The following ARSF variants were observed in gnomAD, a reference collection of about 807,000 sequenced individuals.
The protein encoded by ARSF is arylsulfatase F.
A neutral mutation model predicts 35.4 loss-of-function variants in ARSF; 33 were observed. The observed-to-expected ratio is 0.93, with a 90% CI of 0.71 to 1.25. The LOEUF (loss-of-function observed/expected upper bound fraction) is 1.25, where lower values mean the gene tolerates loss of function less well. Among genes scored for constraint, ARSF ranks in the 50% most tolerant of loss-of-function variants. The probability of loss-of-function intolerance (pLI) is 0.00; values close to 1 mark genes in which losing one functional copy is unlikely to be tolerated. For synonymous variants in ARSF, 222 were observed against 193.1 expected, an observed-to-expected ratio of 1.15 and a Z score of -1.24; for missense variants, 501 against 480.2, an observed-to-expected ratio of 1.04 and a Z score of -0.40.
At chrX:3,081,774 T>G (rs1292704089) in intron 5 of ARSF, among the ~76,000 whole-genome samples, 1 of 111,886 alleles carries the variant, frequency 8.9e-6, no homozygotes, top group Non-Finnish European at 1.9e-5. Context: ...TCACTAAAAA[T>G]GGACCACACA....
At chrX:3,063,559 T>C (rs2090051020) in intron 1 of ARSF, among the ~76,000 whole-genome samples, 1 of 111,585 alleles carries the variant, frequency 9.0e-6, no homozygotes, top group Admixed American at 9.6e-5. Flanking sequence ...GAAAACCCCA[T>C]CGTCTCAGCC....
intron 1 of ARSF, among the ~76,000 whole-genome samples, chrX:3,059,459 C>T (rs1240179429): frequency 1.8e-5 from 2 of 112,284 alleles, no homozygotes; most frequent in African/African-American, 3.2e-5. Flanking sequence ...GTGGGTGCAG[C>T]CCACAGAGGG....
chrX:3,097,439 T>C (rs1344940965), intron 7 of ARSF, among the ~76,000 whole-genome samples: 2 of 111,787 alleles, frequency 1.8e-5, no homozygotes, highest in Non-Finnish European at 3.8e-5. Context: ...TTCTTATAAA[T>C]CAATAATGGA....
chrX:3,084,931 AC>A (rs1423141753), intron 6 of ARSF, among the ~76,000 whole-genome samples: 1 of 111,829 alleles, frequency 8.9e-6, no homozygotes, highest in Non-Finnish European at 1.9e-5. Flanking sequence ...TGTAACGTGT[AC>A]TCTTAAACTA....
chrX:3,101,468 A>T (rs778702516), intron 8 of ARSF, among the ~76,000 whole-genome samples: 2 of 111,599 alleles, frequency 1.8e-5, no homozygotes, highest in African/African-American at 3.3e-5. Flanking sequence ...TGACAACCCT[A>T]TCAAATTATG....
chrX:3,061,822 A>G (rs770846816), intron 1 of ARSF, among the ~76,000 whole-genome samples: 2 of 111,526 alleles, frequency 1.8e-5, no homozygotes, highest in South Asian at 7.8e-4. Context: ...GAGACCTACA[A>G]AGAGACTTAG....
At position 3,081,014 on chromosome X, in the gene ARSF, G is replaced by T. The variant is rs764101471; in HGVS notation, c.406+1G>T. ...CAAGGATACAGCACGGGGCTTATAG[G>T]TAAGACACAAGAATTGGTGTTAGTC... On this transcript the variant is annotated splice_donor_variant, in intron 5 of 10. Transcript: ENST00000381127. LOFTEE classifies it high-confidence loss of function. The T allele has an allele frequency of 8.3e-7, 1 of 1,209,305 alleles. No individual in the cohort carries two copies. Among genetic ancestry groups the T allele is most frequent in the Admixed American group, 2.2e-5 (1 of 45,637 alleles).
chrX:3,092,176 G>GATACATAC lies in ARSF; in HGVS notation c.967+2572_967+2579dup, dbSNP rs776181940. Reference sequence around the variant, plus strand: ...TAGGTAGGTAGATAGATGATAGATAGATACATACATACATACATACATACA... The same window carrying GATACATAC: ...TAGGTAGGTAGATAGATGATAGATAGATACATACATACATACATACATACATACATACA... On this transcript the variant is annotated intron_variant, in intron 7 of 10. Coordinates refer to ENST00000381127, the MANE Select transcript of ARSF (RefSeq NM_001201539.2). 6.0e-3 allele frequency among the ~76,000 whole-genome samples: 247 copies of GATACATAC among 41,136 alleles called. 1 individual carries two copies. The highest frequency in any genetic ancestry group is 8.0e-3 in the South Asian group (4 of 501). 35.7% of individuals were successfully genotyped at this position (41,136 alleles called of 115,157 possible).
intron 1 of ARSF, among the ~76,000 whole-genome samples, chrX:3,067,091 C>T (rs1353556254): frequency 9.7e-6 from 1 of 103,310 alleles, no homozygotes; most frequent in Non-Finnish European, 2.0e-5. Flanking sequence ...CTTCTTTCTT[C>T]CCTCCCTCCC....
chrX:3,045,915 T>C (rs1280513872), intron 1 of ARSF, among the ~76,000 whole-genome samples: 1 of 110,445 alleles, frequency 9.1e-6, no homozygotes, highest in African/African-American at 3.3e-5. Flanking sequence ...GGAGTTTCAC[T>C]CATTTTGCCC....
At chrX:3,047,876 G>C (rs148516799) in intron 1 of ARSF, among the ~76,000 whole-genome samples, 1 of 111,214 alleles carries the variant, frequency 9.0e-6, no homozygotes, top group African/African-American at 3.3e-5. Flanking sequence ...AAAAGAAAGA[G>C]GGGTAATTAG....
In ARSF at chrX:3,070,938, GGTGT is replaced by G. The variant is rs36129786; in HGVS notation, c.12-1057_12-1054del. 3.8e-3 allele frequency among the ~76,000 whole-genome samples: 355 copies of G among 94,630 alleles called. 1 individual carries two copies. The highest frequency in any genetic ancestry group is 6.5e-3 in the African/African-American group (168 of 25,836). The allele number at this position is 94,630 out of a possible 115,157, so 82.2% of individuals were successfully genotyped here. A position where few individuals can be genotyped will look rare whatever the true frequency, so the allele number is the denominator to read the frequency against. Reference sequence around the variant, plus strand: ...TTTTTATGGCTGAGTAGTATTCCATGGTGTGTGTGTGTGTGTGTGTGTGTGTGTG... The same window carrying G: ...TTTTTATGGCTGAGTAGTATTCCATGGTGTGTGTGTGTGTGTGTGTGTGTG... On this transcript the variant is annotated intron_variant, in intron 2 of 10. Coordinates refer to ENST00000381127, the MANE Select transcript of ARSF (RefSeq NM_001201539.2).
chrX:3,110,824 G>C (rs1038771139), intron 10 of ARSF, among the ~76,000 whole-genome samples: 1 of 111,784 alleles, frequency 8.9e-6, no homozygotes, highest in Non-Finnish European at 1.9e-5. Context: ...CTTGAACCCA[G>C]GAGGCAGAGG....
chrX:3,068,644 T>A (rs2090082581), intron 2 of ARSF, among the ~76,000 whole-genome samples: 1 of 110,975 alleles, frequency 9.0e-6, no homozygotes, highest in Non-Finnish European at 1.9e-5. Context: ...AGGTTGGTCT[T>A]GAACTCCTGG....
chrX:3,043,725 A>G (rs2089964095), intron 1 of ARSF, among the ~76,000 whole-genome samples: 1 of 111,404 alleles, frequency 9.0e-6, no homozygotes, highest in Admixed American at 9.7e-5. Flanking sequence ...AAAATGTTAT[A>G]GGATGTGCCT....
chrX:3,067,842 G>A (rs767271055), intron 1 of ARSF, among the ~76,000 whole-genome samples: 1 of 104,491 alleles, frequency 9.6e-6, no homozygotes, highest in East Asian at 3.0e-4. Flanking sequence ...CTGGGTGACA[G>A]CGAGACTCCG....
intron 1 of ARSF, 47 bp from the exon 2 acceptor site, chrX:3,068,020 CTTTTTT>C: frequency 5.3e-6 from 4 of 756,763 alleles, no homozygotes; most frequent in Admixed American, 4.0e-5. Context: ...ATGAATGATA[CTTTTTT>C]TTTTTTTTTT....
rs538379833 is a variant in ARSF, at chrX:3,065,963, G to A, written c.-28-2110G>A. Reference sequence around the variant, plus strand: ...AAAAATTATCCATGGACTAGTGGGTGCCTGTAGTCCCAGCTATTCGGGAGG... The same window carrying A: ...AAAAATTATCCATGGACTAGTGGGTACCTGTAGTCCCAGCTATTCGGGAGG... On this transcript the variant is annotated intron_variant, in intron 1 of 10. Transcript: ENST00000381127. 1.3e-4 allele frequency among the ~76,000 whole-genome samples: 14 copies of A among 111,149 alleles called. 1 individual carries two copies. The South Asian group carries it at 5.0e-3, about 40-fold the overall frequency.
intron 3 of ARSF, among the ~76,000 whole-genome samples, chrX:3,073,130 A>C (rs1483384868): frequency 1.0e-5 from 1 of 99,294 alleles, no homozygotes; most frequent in Non-Finnish European, 2.0e-5. Context: ...ATATATATTC[A>C]TTTTATATAA....
Sources: allele counts gnomAD v4.1 joint callset (sites outside exome capture counted in the v4.1 genomes callset), GRCh38; gene constraint gnomAD v4.1.1; transcripts MANE v1.5; gene names NCBI Gene and HGNC (gene_info 2026-07-23, HGNC 2026-07-21).